Variants in TRPC6 observed in about 807,000 individuals in gnomAD.
The protein encoded by TRPC6 is short transient receptor potential channel 6.
TRPC6 carries 55 observed loss-of-function variants against 90.7 expected under a neutral mutation model. That is an observed-to-expected ratio of 0.61 (90% CI 0.49 to 0.76). TRPC6 has a LOEUF of 0.76. Among genes scored for constraint, TRPC6 ranks in the 30% least tolerant of loss-of-function variants. The pLI is 0.00. For missense variants in TRPC6, 989 were observed against 1,122.7 expected (o/e 0.88, Z 1.70); for synonymous variants, 393 against 393.0 (o/e 1.00, Z 0.00).
intron 4 of TRPC6, 45 bp from the exon 5 acceptor site, chr11:101,483,210 C>CTTTGTA (rs771177042): frequency 6.2e-5 from 100 of 1,600,418 alleles, no homozygotes; most frequent in Non-Finnish European, 8.3e-5. Context: ...TTGTTTTGTA[C>CTTTGTA]ACTTTGCAAA....
At chr11:101,520,285 C>A (rs913336026) in intron 1 of TRPC6, among the ~76,000 whole-genome samples, 1 of 152,156 alleles carries the variant, frequency 6.6e-6, no homozygotes, top group Non-Finnish European at 1.5e-5. Context: ...TAAGAAGTTC[C>A]TGCTTCCCCT....
At chr11:101,471,103 C>G (rs1859282327) in intron 9 of TRPC6, 80 bp downstream of exon 9, 1 of 1,395,820 alleles carries the variant, frequency 7.2e-7, no homozygotes, top group Non-Finnish European at 1.0e-6. Flanking sequence ...GGAACTGCTT[C>G]TCTTTAAAGG....
At chr11:101,542,568 T>C (rs1473275437) in intron 1 of TRPC6, among the ~76,000 whole-genome samples, 2 of 151,884 alleles carry the variant, frequency 1.3e-5, no homozygotes, top group Non-Finnish European at 2.9e-5. Flanking sequence ...AGTAATTAAT[T>C]GTCTAAACCA....
At chr11:101,549,105 G>GA (rs1164988653) in intron 1 of TRPC6, among the ~76,000 whole-genome samples, 1 of 151,780 alleles carries the variant, frequency 6.6e-6, no homozygotes, top group African/African-American at 2.4e-5. Flanking sequence ...GTACAGATCA[G>GA]AACAAAGGCC....
intron 2 of TRPC6, among the ~76,000 whole-genome samples, chr11:101,494,690 C>A (rs1859903651): frequency 6.6e-6 from 1 of 152,160 alleles, no homozygotes; most frequent in South Asian, 2.1e-4. Context: ...ATGTAGGTAA[C>A]ACTTTTTTAA....
At chr11:101,516,790 A>G (rs7937745) in intron 1 of TRPC6, among the ~76,000 whole-genome samples, 74,992 of 152,044 alleles carry the variant, frequency 0.49, 18,876 homozygotes, top group African/African-American at 0.56. Flanking sequence ...TGCAGCAGCT[A>G]GCCGAGTAGC....
At chr11:101,524,772 T>C (rs1374912023) in intron 1 of TRPC6, among the ~76,000 whole-genome samples, 2 of 152,230 alleles carry the variant, frequency 1.3e-5, no homozygotes, top group Non-Finnish European at 2.9e-5. Context: ...CAAAATTTGA[T>C]GCAGTGTTAT....
Position 101,491,629 on chromosome 11 carries a change from G to C in TRPC6, c.1055C>G (p.Thr352Arg), listed in dbSNP as rs200661450. Residue 352 changes from threonine (T) to arginine (R), a missense_variant, in exon 3 of 13, where the codon ACG (threonine) becomes AGG (arginine). By Grantham distance (71) the Thr-to-Arg change is moderately conservative (BLOSUM62 -1). Transcript: ENST00000344327. The part of the protein sequence containing the change: ...VEAILNGDVE[T>R]LQSGDHGRPN... Reference sequence around the variant, plus strand: ...GCGACCGTGATCACCACTCTGGAGCGTTTCAACATCCCCATTCAGAATGGC... The same window carrying C: ...GCGACCGTGATCACCACTCTGGAGCCTTTCAACATCCCCATTCAGAATGGC... The C allele has an allele frequency of 5.6e-6, 9 of 1,613,760 alleles. No homozygotes were observed. The highest frequency in any genetic ancestry group is 6.8e-6 in the Non-Finnish European group (8 of 1,179,996).
intron 1 of TRPC6, among the ~76,000 whole-genome samples, chr11:101,524,312 G>T (rs1049672504): frequency 6.6e-6 from 1 of 152,034 alleles, no homozygotes; most frequent in African/African-American, 2.4e-5. Context: ...GCAGTGGCAC[G>T]ATCTCGGCTC....
chr11:101,545,503 A>G (rs1316890519), intron 1 of TRPC6, among the ~76,000 whole-genome samples: 1 of 152,180 alleles, frequency 6.6e-6, no homozygotes, highest in Non-Finnish European at 1.5e-5. Context: ...GATATAAACA[A>G]AACTTCTATT....
intron 1 of TRPC6, among the ~76,000 whole-genome samples, chr11:101,526,610 C>T (rs2136787826): frequency 6.6e-6 from 1 of 152,014 alleles, no homozygotes; most frequent in Admixed American, 6.5e-5. Context: ...CACCTGTAAT[C>T]CCAGCACTTT....
At chr11:101,487,682 T>C (rs566879786) in intron 4 of TRPC6, among the ~76,000 whole-genome samples, 103 of 152,310 alleles carry the variant, frequency 6.8e-4, no homozygotes, top group African/African-American at 2.4e-3. Context: ...ACAGATGTCA[T>C]TTCTAGTAAA....
chr11:101,550,515 T>G (rs1861427206), intron 1 of TRPC6, among the ~76,000 whole-genome samples: 2 of 151,686 alleles, frequency 1.3e-5, no homozygotes, highest in Admixed American at 6.6e-5. Flanking sequence ...ATAATAATAA[T>G]TTTCATAACC....
Position 101,469,318 on chromosome 11 carries a change from A to C in TRPC6, c.2484+109T>G, listed in dbSNP as rs1023633138. On this transcript the variant is annotated intron_variant, in intron 10 of 12. Coordinates refer to ENST00000344327, the MANE Select transcript of TRPC6 (RefSeq NM_004621.6). ...ATTTGTTAAAATAGTTGAATTATTT[A>C]ATGGGTCTGTTCTCTACTTGCTAAA... The C allele has an allele frequency of 1.8e-5, 12 of 661,174 alleles. No homozygotes were observed. The Admixed American group carries it at 2.7e-4, about 15-fold the overall frequency. The allele number at this position is 661,174 out of a possible 1,614,324, so 41.0% of individuals were successfully genotyped here.
chr11:101,463,396 C>A (rs1859055173), intron 10 of TRPC6, among the ~76,000 whole-genome samples: 1 of 152,164 alleles, frequency 6.6e-6, no homozygotes, highest in South Asian at 2.1e-4. Flanking sequence ...ACCAGCTCCT[C>A]TTTGTACCTC....
At chr11:101,475,784 A>G (rs1859400596) in intron 6 of TRPC6, among the ~76,000 whole-genome samples, 1 of 151,508 alleles carries the variant, frequency 6.6e-6, no homozygotes, top group Admixed American at 6.6e-5. Flanking sequence ...GAGTTCATTC[A>G]TGTTGTTACA....
At chr11:101,475,491 C>T (rs764589566) in intron 6 of TRPC6, among the ~76,000 whole-genome samples, 1 of 152,058 alleles carries the variant, frequency 6.6e-6, no homozygotes, top group East Asian at 1.9e-4. Context: ...TTAACTCTAG[C>T]CACTATACTG....
intron 6 of TRPC6, among the ~76,000 whole-genome samples, 156 bp downstream of exon 6, chr11:101,476,145 A>T (rs1275439701): frequency 6.6e-6 from 1 of 152,180 alleles, no homozygotes; most frequent in African/African-American, 2.4e-5. Flanking sequence ...AGCAGAAAGC[A>T]TGCTTCCTCA....
intron 3 of TRPC6, among the ~76,000 whole-genome samples, chr11:101,491,078 A>C (rs1253100886): frequency 6.6e-6 from 1 of 152,262 alleles, no homozygotes; most frequent in Non-Finnish European, 1.5e-5. Context: ...ACTGGCATTT[A>C]GTGTAGGTAG....
Sources: gnomAD v4.1 joint callset for allele counts (sites outside exome capture counted in the v4.1 genomes callset) on GRCh38, gnomAD v4.1.1 for gene constraint, MANE v1.5 for transcripts, NCBI Gene and HGNC (gene_info 2026-07-23, HGNC 2026-07-21) for gene names.